Variants in FMNL2 observed in about 807,000 individuals in gnomAD.
FMNL2 encodes formin-like protein 2.
In FMNL2, 51 loss-of-function variants were observed where a neutral mutation model predicts 130.2. The observed-to-expected ratio is 0.39, with a 90% CI of 0.31 to 0.49. FMNL2 has a LOEUF of 0.49. Ranked by LOEUF, FMNL2 falls within the 20% of genes least tolerant of loss-of-function variation. FMNL2 has a pLI of 0.85. For synonymous variants in FMNL2, 465 were observed against 467.1 expected (o/e 1.00, Z 0.06); for missense variants, 977 against 1,316.2 (o/e 0.74, Z 3.99).
intron 1 of FMNL2, among the ~76,000 whole-genome samples, chr2:152,461,025 C>T (rs181991634): frequency 1.1e-3 from 167 of 152,292 alleles, no homozygotes; most frequent in Admixed American, 1.8e-3. Flanking sequence ...TGATCTTCCA[C>T]GAAACCGGTC....
intron 4 of FMNL2, among the ~76,000 whole-genome samples, chr2:152,557,682 G>A (rs550249513): frequency 6.6e-6 from 1 of 152,330 alleles, no homozygotes; most frequent in African/African-American, 2.4e-5. Flanking sequence ...ATGCTTAAGG[G>A]ATACTTGGTA....
At chr2:152,540,591 A>G (rs1004955087) in intron 2 of FMNL2, among the ~76,000 whole-genome samples, 4 of 151,616 alleles carry the variant, frequency 2.6e-5, no homozygotes, top group Non-Finnish European at 5.9e-5. Flanking sequence ...AAACAATAAC[A>G]AATATAGATT....
intron 7 of FMNL2, among the ~76,000 whole-genome samples, chr2:152,576,598 C>T (rs60447103): frequency 0.19 from 29,247 of 151,882 alleles, 3,069 homozygotes; most frequent in African/African-American, 0.27. Context: ...AGATTTGGAC[C>T]CAGGAACACT....
At position 152,643,360 on chromosome 2, in the gene FMNL2, T is replaced by C. The variant is rs976791786; in HGVS notation, c.3169+2446T>C. On this transcript the variant is annotated intron_variant, in intron 25 of 25. Coordinates refer to ENST00000288670, the MANE Select transcript of FMNL2 (RefSeq NM_052905.4). ...ATGCACTAACCATGTACTAATGCAA[T>C]AGATCTTGGCTTTTTATTCTCTTCT... 5.9e-6 allele frequency: 9 copies of C among 1,529,720 alleles called. No homozygotes were observed. The African/African-American group carries it at 1.1e-4, about 19-fold the overall frequency. 94.8% of individuals were successfully genotyped at this position (1,529,720 alleles called of 1,614,324 possible). A position where few individuals can be genotyped will look rare whatever the true frequency, so the allele number is the denominator to read the frequency against.
chr2:152,489,565 G>T (rs1691024724), intron 1 of FMNL2, among the ~76,000 whole-genome samples: 1 of 152,210 alleles, frequency 6.6e-6, no homozygotes, highest in South Asian at 2.1e-4. Flanking sequence ...ACCTAGAGCT[G>T]CTAGGCACTG....
intron 1 of FMNL2, among the ~76,000 whole-genome samples, chr2:152,355,794 C>T (rs1015184361): frequency 6.6e-6 from 1 of 152,176 alleles, no homozygotes; most frequent in Non-Finnish European, 1.5e-5. Context: ...ACATGTTGCT[C>T]TGTAGCACGT....
At chr2:152,543,014 A>T (rs1333279837) in intron 3 of FMNL2, among the ~76,000 whole-genome samples, 195 bp downstream of exon 3, 2 of 152,224 alleles carry the variant, frequency 1.3e-5, no homozygotes, top group Non-Finnish European at 2.9e-5. Context: ...TGTGTATAAA[A>T]GTTCTTTCCT....
Position 152,335,519 on chromosome 2 carries a change from G to C in FMNL2, c.-85G>C, listed in dbSNP as rs996617315. 4.6e-6 allele frequency: 5 copies of C among 1,097,828 alleles called. 1 individual carries two copies. The South Asian group carries it at 6.6e-5, about 15-fold the overall frequency. 68.0% of individuals were successfully genotyped at this position (1,097,828 alleles called of 1,614,324 possible). A position where few individuals can be genotyped will look rare whatever the true frequency, so the allele number is the denominator to read the frequency against. On this transcript the variant is annotated 5_prime_UTR_variant, in exon 1 of 26. Coordinates refer to ENST00000288670, the MANE Select transcript of FMNL2 (RefSeq NM_052905.4). Reference sequence around the variant, plus strand: ...AGCCGGGCAGGTCGCGCCTGCGGGCGGCAGCCGACCGCCGGGAGCTGTTCT... The same window carrying C: ...AGCCGGGCAGGTCGCGCCTGCGGGCCGCAGCCGACCGCCGGGAGCTGTTCT...
intron 1 of FMNL2, among the ~76,000 whole-genome samples, chr2:152,495,280 A>C (rs188224285): frequency 5.3e-5 from 8 of 152,288 alleles, no homozygotes; most frequent in Non-Finnish European, 1.2e-4. Flanking sequence ...TATTAAGTAC[A>C]TATTATCAGT....
At chr2:152,380,551 C>T (rs926590044) in intron 1 of FMNL2, among the ~76,000 whole-genome samples, 2 of 152,330 alleles carry the variant, frequency 1.3e-5, no homozygotes, top group South Asian at 4.1e-4. Context: ...TCCATACACT[C>T]TGGGTTCTCC....
intron 1 of FMNL2, among the ~76,000 whole-genome samples, chr2:152,443,372 T>C (rs909854228): frequency 1.3e-5 from 2 of 151,814 alleles, no homozygotes; most frequent in Non-Finnish European, 2.9e-5. Context: ...GTTAACCCAT[T>C]GGAGTAGATG....
chr2:152,389,958 G>T, intron 1 of FMNL2: 1 of 1,312,356 alleles, frequency 7.6e-7, no homozygotes, highest in East Asian at 2.4e-5. Context: ...CAGAGACCTC[G>T]GGGCCCCAGA....
At chr2:152,567,330 A>C (rs1411840010) in intron 6 of FMNL2, among the ~76,000 whole-genome samples, 1 of 152,152 alleles carries the variant, frequency 6.6e-6, no homozygotes, top group Non-Finnish European at 1.5e-5. Flanking sequence ...GAAACCTTTG[A>C]TTAGAGGCTC....
intron 9 of FMNL2, among the ~76,000 whole-genome samples, chr2:152,586,153 A>G (rs1328550722): frequency 6.6e-6 from 1 of 152,192 alleles, no homozygotes; most frequent in Non-Finnish European, 1.5e-5. Context: ...GGCTTTAGCA[A>G]AAAAGCCTGA....
At chr2:152,355,177 G>C (rs915610280) in intron 1 of FMNL2, among the ~76,000 whole-genome samples, 2 of 152,056 alleles carry the variant, frequency 1.3e-5, no homozygotes, top group African/African-American at 2.4e-5. Context: ...TATTTTTGGC[G>C]GGGTGCTAGA....
At chr2:152,497,417 T>C (rs967102353) in intron 1 of FMNL2, among the ~76,000 whole-genome samples, 2 of 152,206 alleles carry the variant, frequency 1.3e-5, no homozygotes, top group African/African-American at 2.4e-5. Context: ...TACATTAGGT[T>C]CTCTTATTTC....
intron 1 of FMNL2, chr2:152,390,467 G>C (rs112987025): frequency 4.1e-6 from 6 of 1,460,854 alleles, no homozygotes; most frequent in African/African-American, 1.4e-5. Context: ...ATTCCAAGCT[G>C]TCAGACCTGG....
In FMNL2 at chr2:152,649,701, C is replaced by G. The variant is rs1463901095; in HGVS notation, c.*1796C>G. The G allele has an allele frequency of 6.6e-6, 1 of 152,518 alleles. No individual in the cohort carries two copies. Among genetic ancestry groups the G allele is most frequent in the Non-Finnish European group, 1.5e-5 (1 of 68,000 alleles). The allele number at this position is 152,518 out of a possible 1,614,324, so 9.4% of individuals were successfully genotyped here. A position where few individuals can be genotyped will look rare whatever the true frequency, so the allele number is the denominator to read the frequency against. On this transcript the variant is annotated 3_prime_UTR_variant, in exon 26 of 26. Transcript: ENST00000288670. ...TACAAATAGACAACGTTGGCATGTT[C>G]TTTTCTGTTTGTCTATTAATGGGCC...
At chr2:152,430,876 A>AATATAT (rs569231077) in intron 1 of FMNL2, among the ~76,000 whole-genome samples, 1 of 150,476 alleles carries the variant, frequency 6.6e-6, no homozygotes, top group Non-Finnish European at 1.5e-5. Context: ...TGGTCTCGAA[A>AATATAT]ATATATATAT....
Sources: gnomAD v4.1 joint callset for allele counts (sites outside exome capture counted in the v4.1 genomes callset) on GRCh38, gnomAD v4.1.1 for gene constraint, MANE v1.5 for transcripts, NCBI Gene and HGNC (gene_info 2026-07-23, HGNC 2026-07-21) for gene names.